The following CCDC38 variants were observed in gnomAD, a reference collection of about 807,000 sequenced individuals.
CCDC38 encodes the protein coiled-coil domain containing 38, also known as coiled-coil domain-containing protein 38.
In CCDC38, 69 loss-of-function variants were observed where a neutral mutation model predicts 72.8. The ratio of observed to expected loss-of-function variants is 0.95; its 90% CI spans 0.78 to 1.16. CCDC38 has a LOEUF of 1.16. Among genes scored for constraint, CCDC38 ranks in the 50% most tolerant of loss-of-function variants. The probability of loss-of-function intolerance (pLI) is 0.00; values close to 1 mark genes in which losing one functional copy is unlikely to be tolerated. For synonymous variants in CCDC38, 201 were observed against 213.2 expected, an observed-to-expected ratio of 0.94 and a Z score of 0.50; for missense variants, 626 against 638.9, an observed-to-expected ratio of 0.98 and a Z score of 0.22.
At chr12:95,868,055 C>T (rs992343308) in intron 15 of CCDC38, among the ~76,000 whole-genome samples, 2 of 152,146 alleles carry the variant, frequency 1.3e-5, no homozygotes, top group Non-Finnish European at 2.9e-5. Context: ...TCTGCAATAT[C>T]GGAATTTTTA....
In CCDC38 at chr12:95,906,085, A is replaced by G. The variant is rs151174119; in HGVS notation, c.369+302T>C. On this transcript the variant is annotated intron_variant, in intron 5 of 15. Transcript: ENST00000344280. Reference sequence around the variant, plus strand: ...AGAAGAGATAATTGGAGAAAAAGGGACAAACTAGAACCAGACATTTTCTAG... The same window carrying G: ...AGAAGAGATAATTGGAGAAAAAGGGGCAAACTAGAACCAGACATTTTCTAG... Among the ~76,000 whole-genome samples, 214 of 152,340 alleles carry G rather than the reference A, an allele frequency of 1.4e-3. 1 individual carries two copies. Among genetic ancestry groups the G allele is most frequent in the African/African-American group, 4.7e-3 (196 of 41,570 alleles).
chr12:95,896,239 T>A (rs962900084), intron 7 of CCDC38, among the ~76,000 whole-genome samples: 1 of 152,076 alleles, frequency 6.6e-6, no homozygotes, highest in African/African-American at 2.4e-5. Flanking sequence ...ATGTAAATGG[T>A]AGAGCCAGCA....
At chr12:95,919,055 T>A in intron 2 of CCDC38, 79 bp from the exon 3 acceptor site, 4 of 863,984 alleles carry the variant, frequency 4.6e-6, no homozygotes, top group Non-Finnish European at 7.6e-6. Context: ...TCCCACCAGC[T>A]AGGGTGGAAT....
At chr12:95,935,905 C>A (rs1233576779) in intron 2 of CCDC38, among the ~76,000 whole-genome samples, 3 of 151,978 alleles carry the variant, frequency 2.0e-5, no homozygotes, top group Non-Finnish European at 2.9e-5. Context: ...ATGGTGAAAC[C>A]TTGTCTCTAC....
intron 8 of CCDC38, among the ~76,000 whole-genome samples, chr12:95,892,749 T>G (rs909940521): frequency 2.6e-5 from 4 of 152,086 alleles, no homozygotes; most frequent in Non-Finnish European, 5.9e-5. Context: ...TTTGTATTTT[T>G]TAGTAGAGAC....
intron 13 of CCDC38, among the ~76,000 whole-genome samples, chr12:95,876,634 G>GC (rs1240643747): frequency 6.6e-6 from 1 of 151,994 alleles, no homozygotes; most frequent in Admixed American, 6.6e-5. Context: ...ACACCTCTTG[G>GC]CCCCGGCAAT....
intron 2 of CCDC38, chr12:95,934,337 T>A (rs2080368323): frequency 6.6e-6 from 1 of 152,126 alleles, no homozygotes; most frequent in African/African-American, 2.4e-5. Context: ...AAGGTTCATA[T>A]TATGTTATTA....
chr12:95,924,611 G>T (rs899838091), intron 2 of CCDC38, among the ~76,000 whole-genome samples: 3 of 150,854 alleles, frequency 2.0e-5, no homozygotes, highest in African/African-American at 7.3e-5. Flanking sequence ...TGAAGTCCTT[G>T]CCCACGCCTA....
intron 8 of CCDC38, 97 bp downstream of exon 8, chr12:95,894,891 CT>C: frequency 9.9e-7 from 1 of 1,010,432 alleles, no homozygotes; most frequent in South Asian, 1.7e-5. Flanking sequence ...AGTTTAGATC[CT>C]GCTTAAAAAA....
intron 4 of CCDC38, among the ~76,000 whole-genome samples, chr12:95,913,557 T>G (rs559989846): frequency 6.6e-6 from 1 of 152,324 alleles, no homozygotes; most frequent in South Asian, 2.1e-4. Flanking sequence ...GAAGGATAAT[T>G]AAACCTCTGT....
At chr12:95,942,403 GC>G (rs1476830233) in intron 1 of CCDC38, 27 bp downstream of exon 1, 3 of 152,242 alleles carry the variant, frequency 2.0e-5, no homozygotes, top group Admixed American at 1.3e-4. Context: ...ATGCGGAGGG[GC>G]GGACACTGAG....
chr12:95,912,762 A>T (rs1446924833), intron 4 of CCDC38, among the ~76,000 whole-genome samples: 1 of 152,176 alleles, frequency 6.6e-6, no homozygotes, highest in African/African-American at 2.4e-5. Context: ...TCAATTAAAA[A>T]TAGTAATAAA....
chr12:95,943,078 T>G (rs971330728), upstream of CCDC38: 10 of 284,354 alleles, frequency 3.5e-5, no homozygotes, highest in Non-Finnish European at 5.9e-5. Context: ...CTCACTTTGA[T>G]CTCTCGGGGT....
At position 95,879,699 on chromosome 12, in the gene CCDC38, C is replaced by G. The variant is rs2079677132; in HGVS notation, c.1087G>C (p.Val363Leu). The G allele has an allele frequency of 6.2e-7, 1 of 1,607,058 alleles. No homozygotes were observed. Among genetic ancestry groups the G allele is most frequent in the Non-Finnish European group, 8.5e-7 (1 of 1,174,040 alleles). The change falls in exon 12 of 16, where the codon GTA becomes CTA. Residue 363 changes from valine (V) to leucine (L), a missense_variant. Val to Leu is a conservative substitution (Grantham distance 32). Transcript: ENST00000344280. The surrounding 1 kb of genome is among the most constrained non-coding windows in gnomAD (Gnocchi z 5.5). ...NLTLFQYSQD[V>L]DENLEEVNKR... is the part of the protein sequence containing the mutation. ...TTTACCTCTTCAAGATTTTCATCTA[C>G]ATCTTGGGAATATTGAAACAAAGTA...
upstream of CCDC38, chr12:95,943,226 C>A: frequency 1.5e-6 from 1 of 645,402 alleles, no homozygotes; most frequent in Non-Finnish European, 2.4e-6. Flanking sequence ...CAATGATTAC[C>A]GCCCCCGTTG....
In CCDC38 at chr12:95,932,406, T is replaced by A. The variant is rs117413381; in HGVS notation, c.37+4067A>T. ...TTCTTCCTTCCATTTGTTTCTTCAT[T>A]TTTTGGTGTTGTTTCTGGACTTGAT... On this transcript the variant is annotated intron_variant, in intron 2 of 15. Coordinates refer to ENST00000344280, the MANE Select transcript of CCDC38 (RefSeq NM_182496.3). 6.7e-3 allele frequency among the ~76,000 whole-genome samples: 1,013 copies of A among 152,258 alleles called. 4 individuals carry two copies. Among genetic ancestry groups the A allele is most frequent in the Non-Finnish European group, 0.011 (761 of 68,002 alleles).
At chr12:95,926,433 T>G (rs1214310655) in intron 2 of CCDC38, among the ~76,000 whole-genome samples, 3 of 151,870 alleles carry the variant, frequency 2.0e-5, no homozygotes, top group Non-Finnish European at 2.9e-5. Context: ...CTTCTCTCTT[T>G]TCTTCTTTAT....
chr12:95,899,818 GTAAA>G (rs1442313910), intron 5 of CCDC38, among the ~76,000 whole-genome samples: 3 of 152,186 alleles, frequency 2.0e-5, no homozygotes, highest in Admixed American at 2.0e-4. Flanking sequence ...TTTAAGGGGT[GTAAA>G]TAGAGTGATG....
chr12:95,875,191 G>A (rs184561616), intron 13 of CCDC38, among the ~76,000 whole-genome samples: 40 of 152,314 alleles, frequency 2.6e-4, no homozygotes, highest in Admixed American at 2.2e-3. Flanking sequence ...GAGACGTCAG[G>A]ACAGTGGGAA....
Sources: gnomAD v4.1 joint callset for allele counts (sites outside exome capture counted in the v4.1 genomes callset) on GRCh38, gnomAD v4.1.1 for gene constraint, Gnocchi (gnomAD v3.1) non-coding constraint, MANE v1.5 for transcripts, NCBI Gene and HGNC (gene_info 2026-07-23, HGNC 2026-07-21) for gene names.